ALMS1: variants seen among roughly 807,000 people sequenced by gnomAD.
The protein encoded by ALMS1 is ALMS1 centrosome and basal body associated protein.
A neutral mutation model predicts 352.2 loss-of-function variants in ALMS1; 271 were observed. That is an observed-to-expected ratio of 0.77 (90% CI 0.70 to 0.85). ALMS1 has a LOEUF of 0.85. Ranked by LOEUF, ALMS1 falls within the 40% of genes least tolerant of loss-of-function variation. The pLI is 0.00. For missense variants in ALMS1, 5,445 were observed against 4,870.7 expected (o/e 1.12, Z -3.51); for synonymous variants, 1,865 against 1,761.2 (o/e 1.06, Z -1.48).
At chr2:73,559,175 G>C in intron 15 of ALMS1, 33 bp downstream of exon 15, 1 of 1,602,274 alleles carries the variant, frequency 6.2e-7, no homozygotes, top group Non-Finnish European at 8.5e-7. Context: ...GAGTGTGTGT[G>C]TCTTTGTGTG....
At chr2:73,487,747 A>G (rs1672884556) in intron 9 of ALMS1, among the ~76,000 whole-genome samples, 1 of 152,190 alleles carries the variant, frequency 6.6e-6, no homozygotes, top group Non-Finnish European at 1.5e-5. Context: ...ATCGAGTGGC[A>G]GAACAGTTTT....
At chr2:73,544,482 T>A (rs2104019607) in intron 12 of ALMS1, among the ~76,000 whole-genome samples, 2 of 152,226 alleles carry the variant, frequency 1.3e-5, no homozygotes, top group South Asian at 4.1e-4. Context: ...AACCTGCACG[T>A]TGTCACATGT....
intron 11 of ALMS1, among the ~76,000 whole-genome samples, chr2:73,523,461 A>G (rs1271406120): frequency 1.3e-5 from 2 of 152,242 alleles, no homozygotes; most frequent in East Asian, 3.9e-4. Context: ...CACAGTTCTA[A>G]GTAATATAAA....
intron 16 of ALMS1, among the ~76,000 whole-genome samples, chr2:73,588,549 C>G (rs1347685833): frequency 6.6e-6 from 1 of 152,008 alleles, no homozygotes; most frequent in East Asian, 1.9e-4. Context: ...TTCTGCAGTT[C>G]TGTTTCTTGG....
chr2:73,391,680 A>G (rs962904163), intron 1 of ALMS1, among the ~76,000 whole-genome samples: 3 of 152,060 alleles, frequency 2.0e-5, no homozygotes, highest in African/African-American at 4.8e-5. Context: ...CTCTTGAGGA[A>G]CTGCTAGATT....
intron 10 of ALMS1, among the ~76,000 whole-genome samples, chr2:73,517,905 A>G (rs1673593624): frequency 6.6e-6 from 1 of 151,362 alleles, no homozygotes; most frequent in East Asian, 1.9e-4. Flanking sequence ...TGATCCACCC[A>G]CCTCAGCCTC....
intron 21 of ALMS1, among the ~76,000 whole-genome samples, chr2:73,606,475 A>G (rs934004997): frequency 2.0e-5 from 3 of 152,216 alleles, no homozygotes; most frequent in Non-Finnish European, 4.4e-5. Flanking sequence ...AAGCTTGCCT[A>G]CAGGAAGACA....
intron 7 of ALMS1, among the ~76,000 whole-genome samples, chr2:73,432,796 C>A (rs1336627376): frequency 6.6e-6 from 1 of 152,144 alleles, no homozygotes; most frequent in African/African-American, 2.4e-5. Flanking sequence ...CATCACAAGT[C>A]CCCTGATGTT....
chr2:73,591,932 T>C (rs1484949261), intron 16 of ALMS1, among the ~76,000 whole-genome samples: 1 of 152,216 alleles, frequency 6.6e-6, no homozygotes, highest in Non-Finnish European at 1.5e-5. Flanking sequence ...GTGTTTTAGC[T>C]CTTGATTCAT....
intron 11 of ALMS1, among the ~76,000 whole-genome samples, chr2:73,524,076 G>A (rs1415787660): frequency 6.6e-6 from 1 of 152,078 alleles, no homozygotes; most frequent in African/African-American, 2.4e-5. Flanking sequence ...ATGACCTAAT[G>A]CAGGAAACAC....
At chr2:73,549,736 C>A (rs1453116131) in intron 12 of ALMS1, among the ~76,000 whole-genome samples, 1 of 152,178 alleles carries the variant, frequency 6.6e-6, no homozygotes, top group Non-Finnish European at 1.5e-5. Context: ...TCTTTTATAT[C>A]ATTTGCATCT....
rs770147613 is a variant in ALMS1 at position 73,573,186 on chromosome 2, A to G, written c.11309A>G (p.Asp3770Gly). 5 of 1,612,812 alleles carry G rather than the reference A, an allele frequency of 3.1e-6. No individual in the cohort carries two copies. Among genetic ancestry groups the G allele is most frequent in the Non-Finnish European group, 3.4e-6 (4 of 1,179,230 alleles). ...GAATCAGATATATTGACCCAAACAGATAGAGAGGTGGCTCTGCACGAAAGG... is the reference window on the plus strand; with the variant it reads ...GAATCAGATATATTGACCCAAACAGGTAGAGAGGTGGCTCTGCACGAAAGG... ...TVESDILTQT[D>G]REVALHERSS... Residue 3770 changes from aspartate (D) to glycine (G), a missense_variant, in exon 16 of 23, where the codon GAT becomes GGT. Asp to Gly is a moderately conservative substitution (Grantham distance 94, BLOSUM62 -1). Transcript: ENST00000613296.
At position 73,451,801 on chromosome 2, in the gene ALMS1, C is replaced by A. The variant is rs2103785773; in HGVS notation, c.5274C>A (p.Phe1758Leu). 6.2e-7 allele frequency: 1 copy of A among 1,614,110 alleles called. No individual in the cohort carries two copies. The highest frequency in any genetic ancestry group is 8.5e-7 in the Non-Finnish European group (1 of 1,180,016). The part of the protein sequence containing the change: ...KTGLSTVTSS[F>L]YSHTEKPNIS... ...GGTTATCTACTGTAACTTCCTCTTT[C>A]TATTCACATACAGAGAAGCCTAATA... The change falls in exon 8 of 23, where the codon TTC becomes TTA. Residue 1758 changes from phenylalanine to leucine, a missense_variant. Transcript: ENST00000613296.
At chr2:73,416,474 T>G (rs758197151) in intron 2 of ALMS1, among the ~76,000 whole-genome samples, 8 of 152,228 alleles carry the variant, frequency 5.3e-5, no homozygotes, top group Non-Finnish European at 1.0e-4. Flanking sequence ...GGATAGTGGG[T>G]ATCTTTTTTC....
chr2:73,490,183 T>C lies in ALMS1; in HGVS notation c.8224T>C (p.Cys2742Arg), dbSNP rs774945791. The change falls in exon 10 of 23, where the codon TGT becomes CGT. Residue 2742 changes from cysteine (C) to arginine (R), a missense_variant. Coordinates refer to ENST00000613296, the MANE Select transcript of ALMS1 (RefSeq NM_001378454.1). Reference protein sequence around the residue: ...VKVGVTEGSQCTGASVGVFNS... With the variant: ...VKVGVTEGSQRTGASVGVFNS... ...GGTTGGTGTTACTGAAGGTAGCCAGTGTACTGGAGCATCTGTGGGGGTATT... is the reference window on the plus strand; with the variant it reads ...GGTTGGTGTTACTGAAGGTAGCCAGCGTACTGGAGCATCTGTGGGGGTATT... 17 of 1,614,220 alleles carry C rather than the reference T, an allele frequency of 1.1e-5. No homozygotes were observed. The highest frequency in any genetic ancestry group is 1.4e-5 in the Non-Finnish European group (17 of 1,180,038).
chr2:73,600,497 C>T (rs1364042724), intron 17 of ALMS1, among the ~76,000 whole-genome samples, 181 bp from the exon 18 acceptor site: 1 of 152,076 alleles, frequency 6.6e-6, no homozygotes, highest in Non-Finnish European at 1.5e-5. Flanking sequence ...TTTCTTTGCC[C>T]TCTTTTTCCC....
chr2:73,414,906 A>G (rs1173931850), intron 2 of ALMS1, among the ~76,000 whole-genome samples: 1 of 152,188 alleles, frequency 6.6e-6, no homozygotes, highest in African/African-American at 2.4e-5. Context: ...GTGAACATGC[A>G]TAGTTAGCCA....
In ALMS1 at chr2:73,453,338, A is replaced by G. The variant is rs1558651314; in HGVS notation, c.6811A>G (p.Asn2271Asp). The change falls in exon 8 of 23, where the codon AAT becomes GAT. Residue 2271 changes from asparagine to aspartate, a missense_variant. By Grantham distance (23) the Asn-to-Asp change is conservative. Transcript: ENST00000613296. ...EIRTLLMEAE[N>D]MALKRCNFPA... ...TCGGACACTTTTGATGGAGGCAGAA[A>G]ATATGGCACTGAAACGATGCAATTT... 1 of 1,613,924 alleles carries G rather than the reference A, an allele frequency of 6.2e-7. No individual in the cohort carries two copies. The highest frequency in any genetic ancestry group is 2.2e-5 in the East Asian group (1 of 44,874).
rs151096199 is a variant in ALMS1, at chr2:73,522,089, C to T, written c.9781+2073C>T. ...GCCATTATTTGCTATGTATTCACTTCTTCCCCTAGACAGGCAGTCCAGTGT... is the reference window on the plus strand; with the variant it reads ...GCCATTATTTGCTATGTATTCACTTTTTCCCCTAGACAGGCAGTCCAGTGT... On this transcript the variant is annotated intron_variant, in intron 11 of 22. Coordinates refer to ENST00000613296, the MANE Select transcript of ALMS1 (RefSeq NM_001378454.1). Among the ~76,000 whole-genome samples, 294 of 152,286 alleles carry T rather than the reference C, an allele frequency of 1.9e-3. 3 individuals are homozygous for T. Among genetic ancestry groups the T allele is most frequent in the African/African-American group, 6.7e-3 (280 of 41,572 alleles).
Sources: allele counts gnomAD v4.1 joint callset (sites outside exome capture counted in the v4.1 genomes callset), GRCh38; gene constraint gnomAD v4.1.1; transcripts MANE v1.5; gene names NCBI Gene and HGNC (gene_info 2026-07-23, HGNC 2026-07-21).